Variants in AIPL1 observed in about 807,000 individuals in gnomAD.
The protein encoded by AIPL1 is aryl-hydrocarbon-interacting protein-like 1.
AIPL1 carries 23 observed loss-of-function variants against 32.9 expected under a neutral mutation model. The observed-to-expected ratio is 0.70, with a 90% CI of 0.50 to 0.99. The LOEUF is 0.99. Among genes scored for constraint, AIPL1 ranks in the 50% least tolerant of loss-of-function variants. AIPL1 has a pLI of 0.00. For missense variants in AIPL1, 485 were observed against 506.0 expected (o/e 0.96, Z 0.40); for synonymous variants, 210 against 209.4 (o/e 1.00, Z -0.02).
rs1911913426 is a variant in AIPL1 at position 6,426,015 on chromosome 17, C to T, written c.785-185G>A. On this transcript the variant is annotated intron_variant, in intron 5 of 5. Transcript: ENST00000381129. The stretch of plus-strand genomic sequence containing the variant: ...GATGATGATCATAATAGCAGTACCT[C>T]CTCCTCTCCTTTTTAAGGCCCTGTG... The T allele has an allele frequency of 2.9e-6, 3 of 1,025,704 alleles. No homozygotes were observed. In the African/African-American group the frequency reaches 4.9e-5, roughly 17 times the overall value. 63.5% of individuals were successfully genotyped at this position (1,025,704 alleles called of 1,614,324 possible).
At chr17:6,430,072 T>C (rs1364177171) in intron 2 of AIPL1, among the ~76,000 whole-genome samples, 1 of 142,758 alleles carries the variant, frequency 7.0e-6, no homozygotes, top group African/African-American at 2.6e-5. Flanking sequence ...TGTGTGTGTG[T>C]GTGTGTGTGT....
At chr17:6,429,047 C>G (rs912711387) in intron 2 of AIPL1, among the ~76,000 whole-genome samples, 1 of 152,210 alleles carries the variant, frequency 6.6e-6, no homozygotes, top group Non-Finnish European at 1.5e-5. Context: ...TTCTCTGAAA[C>G]TCAGTTCCCT....
chr17:6,432,463 C>CT (rs748036171), intron 2 of AIPL1, among the ~76,000 whole-genome samples: 13 of 152,194 alleles, frequency 8.5e-5, no homozygotes, highest in Non-Finnish European at 1.5e-4. Flanking sequence ...TATGCAGAGA[C>CT]TTTGTTTGTT....
intron 2 of AIPL1, among the ~76,000 whole-genome samples, chr17:6,433,586 ATC>A (rs149646818): frequency 7.6e-5 from 5 of 65,620 alleles, no homozygotes; most frequent in African/African-American, 1.3e-4. Flanking sequence ...GCGAGACCCT[ATC>A]TCTCTCTCTC....
chr17:6,434,149 G>A (rs770396641), intron 1 of AIPL1, 51 bp from the exon 2 acceptor site: 13 of 1,593,124 alleles, frequency 8.2e-6, no homozygotes, highest in Middle Eastern at 1.7e-4. Flanking sequence ...TCAAGGCCCG[G>A]CAGAAGCCAC....
At position 6,424,076 on chromosome 17, in the gene AIPL1, A is replaced by C. The variant is rs1409797090; in HGVS notation, c.*1384T>G. 2 of 152,296 alleles carry C rather than the reference A, an allele frequency of 1.3e-5. No homozygotes were observed. The highest frequency in any genetic ancestry group is 2.9e-5 in the Non-Finnish European group (2 of 68,112). The allele number at this position is 152,296 out of a possible 1,614,324, so 9.4% of individuals were successfully genotyped here. On this transcript the variant is annotated 3_prime_UTR_variant, in exon 6 of 6. Coordinates refer to ENST00000381129, the MANE Select transcript of AIPL1 (RefSeq NM_014336.5). ...TAGCCCCTCCTCGTACCCGTCCTTT[A>C]GGGAGGACGAAGAGGAGGGAGAGAG...
chr17:6,433,428 C>G (rs886956134), intron 2 of AIPL1, among the ~76,000 whole-genome samples: 1 of 152,106 alleles, frequency 6.6e-6, no homozygotes, highest in Non-Finnish European at 1.5e-5. Context: ...AAAACTCTGT[C>G]TCTACAAAAA....
At position 6,423,842 on chromosome 17, in the gene AIPL1, C is replaced by T. The variant is rs1014013184; in HGVS notation, c.*1618G>A. On this transcript the variant is annotated 3_prime_UTR_variant, in exon 6 of 6. Coordinates refer to ENST00000381129, the MANE Select transcript of AIPL1 (RefSeq NM_014336.5). The stretch of plus-strand genomic sequence containing the variant: ...CAGAGCAGAAGGTAGATGTTAACAA[C>T]AAGGAAGATGGAAAAGTAAAGTACA... 8 of 152,168 alleles carry T rather than the reference C, an allele frequency of 5.3e-5. No individual in the cohort carries two copies. Among genetic ancestry groups the T allele is most frequent in the Middle Eastern group, 3.4e-3 (1 of 294 alleles). 9.4% of individuals were successfully genotyped at this position (152,168 alleles called of 1,614,324 possible).
At chr17:6,433,611 T>TCTCTCA (rs758622569) in intron 2 of AIPL1, among the ~76,000 whole-genome samples, 12,937 of 106,148 alleles carry the variant, frequency 0.12, 1,068 homozygotes, top group East Asian at 0.19. Flanking sequence ...TCTCTCTCTC[T>TCTCTCA]CACACACACA....
Position 6,428,422 on chromosome 17 carries a change from A to G in AIPL1, c.361T>C (p.Cys121Arg). The G allele has an allele frequency of 6.2e-7, 1 of 1,613,698 alleles. No homozygotes were observed. Among genetic ancestry groups the G allele is most frequent in the East Asian group, 2.2e-5 (1 of 44,870 alleles). The change falls in exon 3 of 6, where the codon TGC becomes CGC. Residue 121 changes from cysteine to arginine, a missense_variant. Transcript: ENST00000381129. The part of the protein sequence containing the change: ...KDPTEWHVHT[C>R]GLANMFAYHT... The stretch of plus-strand genomic sequence containing the variant: ...TAGGCGAACATGTTGGCCAGCCCGC[A>G]CGTGTGCACGTGCCACTCTGTGGGG...
chr17:6,430,810 G>C (rs977591633), intron 2 of AIPL1, among the ~76,000 whole-genome samples: 76 of 152,258 alleles, frequency 5.0e-4, no homozygotes, highest in African/African-American at 1.4e-3. Flanking sequence ...AAATCACAAA[G>C]AAGCCAATTT....
chr17:6,433,991 C>A lies in AIPL1; in HGVS notation c.204G>T (p.Lys68Asn). 1 of 1,613,760 alleles carries A rather than the reference C, an allele frequency of 6.2e-7. No individual in the cohort carries two copies. Among genetic ancestry groups the A allele is most frequent in the Non-Finnish European group, 8.5e-7 (1 of 1,179,994 alleles). Residue 68 changes from lysine to asparagine, a missense_variant, in exon 2 of 6, where the codon AAG (lysine) becomes AAT (asparagine). Lys to Asn is a moderately conservative substitution (Grantham distance 94). Coordinates refer to ENST00000381129, the MANE Select transcript of AIPL1 (RefSeq NM_014336.5). ...PMHIIIGNMFKLEVWEILLTS... is the reference protein window; with the variant it reads ...PMHIIIGNMFNLEVWEILLTS... ...TAAGCAGGATCTCCCAGACCTCGAG[C>A]TTGAACATGTTTCCGATGATGATGT...
At chr17:6,427,810 C>CTTTTTTTTTTTTT (rs5819114) in intron 3 of AIPL1, among the ~76,000 whole-genome samples, 3 of 144,746 alleles carry the variant, frequency 2.1e-5, no homozygotes, top group Non-Finnish European at 3.0e-5. Context: ...TCCAAGTGGA[C>CTTTTTTTTTTTTT]TTTTTTTTTT....
intron 3 of AIPL1, among the ~76,000 whole-genome samples, chr17:6,427,714 G>C (rs1012490405): frequency 6.6e-6 from 1 of 152,130 alleles, no homozygotes; most frequent in South Asian, 2.1e-4. Context: ...CAAGGAGGCG[G>C]TTATAATCTC....
Position 6,428,370 on chromosome 17 carries a change from T to A in AIPL1, c.413A>T (p.Asp138Val). The change falls in exon 3 of 6, where the codon GAC becomes GTC. Residue 138 changes from aspartate (D) to valine (V), a missense_variant. By Grantham distance (152) the Asp-to-Val change is radical (BLOSUM62 -3). Coordinates refer to ENST00000381129, the MANE Select transcript of AIPL1 (RefSeq NM_014336.5). ...AGGCTGAGGCTCCTTCTGCAGCTCGTCCAGGTCCTCGTAGCCCAGCGTGTG... is the reference window on the plus strand; with the variant it reads ...AGGCTGAGGCTCCTTCTGCAGCTCGACCAGGTCCTCGTAGCCCAGCGTGTG... ...AYHTLGYEDL[D>V]ELQKEPQPLV... is the part of the protein sequence containing the mutation. The A allele has an allele frequency of 6.2e-7, 1 of 1,612,274 alleles. No individual in the cohort carries two copies. The highest frequency in any genetic ancestry group is 8.5e-7 in the Non-Finnish European group (1 of 1,180,034).
chr17:6,434,420 A>G (rs1257533765), intron 1 of AIPL1, among the ~76,000 whole-genome samples: 1 of 129,384 alleles, frequency 7.7e-6, no homozygotes, highest in Non-Finnish European at 1.6e-5. Context: ...GTGCAGTGGT[A>G]TGATCTCGGC....
chr17:6,429,191 G>T (rs59451222), intron 2 of AIPL1, among the ~76,000 whole-genome samples: 1 of 152,216 alleles, frequency 6.6e-6, no homozygotes. Flanking sequence ...GGGCTGGGAA[G>T]ATCCGCCGTG....
chr17:6,434,356 CTT>C (rs71381392), intron 1 of AIPL1, among the ~76,000 whole-genome samples: 8 of 105,004 alleles, frequency 7.6e-5, no homozygotes, highest in African/African-American at 2.6e-4. Context: ...AGCCCGAGTT[CTT>C]TTTTTTTTTT....
chr17:6,426,317 C>T lies in AIPL1; in HGVS notation c.784+298G>A, dbSNP rs71370440. The T allele has an allele frequency of 0.25, 349,270 of 1,370,626 alleles. 46,844 individuals are homozygous for T. The highest frequency in any genetic ancestry group is 0.35 in the East Asian group (11,919 of 34,526). 84.9% of individuals were successfully genotyped at this position (1,370,626 alleles called of 1,614,324 possible). A position where few individuals can be genotyped will look rare whatever the true frequency, so the allele number is the denominator to read the frequency against. ...TAGTACCGACATCATAATATTTTTC[C>T]CTATATTGATTGCCCCTCTTTTTTA... On this transcript the variant is annotated intron_variant, in intron 5 of 5. Coordinates refer to ENST00000381129, the MANE Select transcript of AIPL1 (RefSeq NM_014336.5).
Sources: gnomAD v4.1 joint callset for allele counts (sites outside exome capture counted in the v4.1 genomes callset) on GRCh38, gnomAD v4.1.1 for gene constraint, MANE v1.5 for transcripts, NCBI Gene and HGNC (gene_info 2026-07-23, HGNC 2026-07-21) for gene names.